The following C10orf95 variants were observed in gnomAD, a reference collection of about 807,000 sequenced individuals.
C10orf95 encodes uncharacterized protein C10orf95.
For missense variants in C10orf95, 412 were observed against 327.4 expected (o/e 1.26, Z -1.99); for synonymous variants, 188 against 160.4 (o/e 1.17, Z -1.30).
At position 102,450,778 on chromosome 10, in the gene C10orf95, C is replaced by A. The variant is rs1160670744; in HGVS notation, c.316G>T (p.Ala106Ser). Residue 106 changes from alanine to serine, a missense_variant, in exon 2 of 2, where the codon GCC (alanine) becomes TCC (serine). By Grantham distance (99) the Ala-to-Ser change is moderately conservative. Coordinates refer to ENST00000625129, the MANE Select transcript of C10orf95 (RefSeq NM_001363580.1). ...TCCGGCCACGGCGCCCAGCTCTCGG[C>A]CACCGCCGCGGGCGCCTGCAGCGAC... The part of the protein sequence containing the change: ...GLSLQAPAAV[A>S]ESWAPWPEGG... 1.0e-5 allele frequency: 13 copies of A among 1,284,540 alleles called. No homozygotes were observed. The highest frequency in any genetic ancestry group is 3.0e-4 in the Middle Eastern group (1 of 3,310). The allele number at this position is 1,284,540 out of a possible 1,614,324, so 79.6% of individuals were successfully genotyped here.
rs930731895 is a variant in C10orf95, at chr10:102,451,232, C to G, written c.-54-85G>C. On this transcript the variant is annotated intron_variant, in intron 1 of 1. Transcript: ENST00000625129. ...GGGCCGGTTCCCCGGGACGCCGGTT[C>G]ATGGCTTTGGGGGAATTCATCCCAA... is the stretch of plus-strand genomic sequence containing the variant. The G allele has an allele frequency of 2.5e-5, 36 of 1,431,594 alleles. No individual in the cohort carries two copies. In the South Asian group the frequency reaches 5.2e-4, roughly 21 times the overall value. 88.7% of individuals were successfully genotyped at this position (1,431,594 alleles called of 1,614,324 possible).
rs779255737 is a variant in C10orf95, at chr10:102,450,692, A to AG, written c.401dup (p.Leu135SerfsTer108). 4.5e-5 allele frequency: 56 copies of AG among 1,246,902 alleles called. No individual in the cohort carries two copies. Among genetic ancestry groups the AG allele is most frequent in the Middle Eastern group, 6.3e-4 (2 of 3,190 alleles). 77.2% of individuals were successfully genotyped at this position (1,246,902 alleles called of 1,614,324 possible). A position where few individuals can be genotyped will look rare whatever the true frequency, so the allele number is the denominator to read the frequency against. ...GGCGCACGAAGTCCGGTAGCTGCAG[A>AG]GGGGGGCCCCGCGCGCGCTCCACGC... On this transcript the variant is annotated frameshift_variant, in exon 2 of 2. Transcript: ENST00000625129. LOFTEE classifies it low-confidence loss of function (END_TRUNC).
At position 102,450,682 on chromosome 10, in the gene C10orf95, G is replaced by C. The variant is rs1163808545; in HGVS notation, c.412C>G (p.Pro138Ala). ...ERARGPPLQL[P>A]DFVRRELRRA... ...CGCAGCTCCCGGCGCACGAAGTCCG[G>C]TAGCTGCAGAGGGGGGCCCCGCGCG... Residue 138 changes from proline to alanine, a missense_variant, in exon 2 of 2, where the codon CCG becomes GCG. Pro to Ala is a conservative substitution (Grantham distance 27). Coordinates refer to ENST00000625129, the MANE Select transcript of C10orf95 (RefSeq NM_001363580.1). 11 of 1,235,502 alleles carry C rather than the reference G, an allele frequency of 8.9e-6. No individual in the cohort carries two copies. The highest frequency in any genetic ancestry group is 1.1e-5 in the Non-Finnish European group (11 of 990,158). The allele number at this position is 1,235,502 out of a possible 1,614,324, so 76.5% of individuals were successfully genotyped here.
Position 102,450,762 on chromosome 10 carries a change from G to A in C10orf95, c.332C>T (p.Pro111Leu). 7.6e-6 allele frequency: 10 copies of A among 1,307,352 alleles called. No homozygotes were observed. Among genetic ancestry groups the A allele is most frequent in the Non-Finnish European group, 9.8e-6 (10 of 1,025,204 alleles). 81.0% of individuals were successfully genotyped at this position (1,307,352 alleles called of 1,614,324 possible). A position where few individuals can be genotyped will look rare whatever the true frequency, so the allele number is the denominator to read the frequency against. ...APAAVAESWA[P>L]WPEGGSLQTE... is the part of the protein sequence containing the mutation. The stretch of plus-strand genomic sequence containing the variant: ...TTGCAGGCTCCCGCCCTCCGGCCAC[G>A]GCGCCCAGCTCTCGGCCACCGCCGC... The change falls in exon 2 of 2, where the codon CCG (proline) becomes CTG (leucine). Residue 111 changes from proline to leucine, a missense_variant. By Grantham distance (98) the Pro-to-Leu change is moderately conservative. Transcript: ENST00000625129.
chr10:102,450,456 C>A lies in C10orf95; in HGVS notation c.638G>T (p.Ser213Ile). The A allele has an allele frequency of 6.6e-7, 1 of 1,518,240 alleles. No individual in the cohort carries two copies. Among genetic ancestry groups the A allele is most frequent in the Non-Finnish European group, 8.8e-7 (1 of 1,136,402 alleles). 94.0% of individuals were successfully genotyped at this position (1,518,240 alleles called of 1,614,324 possible). A position where few individuals can be genotyped will look rare whatever the true frequency, so the allele number is the denominator to read the frequency against. The change falls in exon 2 of 2, where the codon AGC becomes ATC. Residue 213 changes from serine (S) to isoleucine (I), a missense_variant. Physicochemically the swap from Ser to Ile is moderately radical, Grantham distance 142. Coordinates refer to ENST00000625129, the MANE Select transcript of C10orf95 (RefSeq NM_001363580.1). ...RGRPRKSKGL[S>I] Reference sequence around the variant, plus strand: ...CCCCTAGGCCTTGCGGCGGCTTCAGCTCAGGCCCTTGCTCTTCCTGGGGCG... The same window carrying A: ...CCCCTAGGCCTTGCGGCGGCTTCAGATCAGGCCCTTGCTCTTCCTGGGGCG...
Position 102,450,791 on chromosome 10 carries a change from C to A in C10orf95, c.303G>T (p.Ala101=), listed in dbSNP as rs1301884522. ...AAGISGLSLQ[A]PAAVAESWAP... ...CCCAGCTCTCGGCCACCGCCGCGGG[C>A]GCCTGCAGCGACAGTCCCGAGATGC... Residue 101 remains alanine (A), a synonymous_variant, in exon 2 of 2, where the codon GCG becomes GCT. Transcript: ENST00000625129. 2 of 1,269,308 alleles carry A rather than the reference C, an allele frequency of 1.6e-6. No individual in the cohort carries two copies. The highest frequency in any genetic ancestry group is 8.3e-5 in the Admixed American group (2 of 24,006). The allele number at this position is 1,269,308 out of a possible 1,614,324, so 78.6% of individuals were successfully genotyped here.
At position 102,451,452 on chromosome 10, in the gene C10orf95, G is replaced by A; in HGVS notation, c.-121C>T. 2 of 1,429,544 alleles carry A rather than the reference G, an allele frequency of 1.4e-6. No individual in the cohort carries two copies. The allele number at this position is 1,429,544 out of a possible 1,614,324, so 88.6% of individuals were successfully genotyped here. On this transcript the variant is annotated 5_prime_UTR_variant, in exon 1 of 2. Transcript: ENST00000625129. ...GGGCTCCTCTCCGCACTTTGTAGCT[G>A]CGTTGCTCCGCTCCATGCCCTGCCT... is the stretch of plus-strand genomic sequence containing the variant.
chr10:102,451,283 C>T (rs1417469572), intron 1 of C10orf95, 103 bp downstream of exon 1: 1 of 1,440,502 alleles, frequency 6.9e-7, no homozygotes, highest in Non-Finnish European at 9.2e-7. Context: ...CCCCGCCTAG[C>T]CTCTTGTCCC....
In C10orf95 at chr10:102,450,642, G is replaced by C; in HGVS notation, c.452C>G (p.Thr151Ser). 1 of 1,232,506 alleles carries C rather than the reference G, an allele frequency of 8.1e-7. No homozygotes were observed. The highest frequency in any genetic ancestry group is 3.4e-5 in the East Asian group (1 of 29,452). The allele number at this position is 1,232,506 out of a possible 1,614,324, so 76.3% of individuals were successfully genotyped here. ...GACGCGCACGTCGGCGCGGGGGTAG[G>C]TGCCGTACGCGCGCCGCAGCTCCCG... is the stretch of plus-strand genomic sequence containing the variant. ...VRRELRRAYG[T>S]YPRADVRVTQ... is the part of the protein sequence containing the mutation. Residue 151 changes from threonine to serine, a missense_variant, in exon 2 of 2, where the codon ACC (threonine) becomes AGC (serine). By Grantham distance (58) the Thr-to-Ser change is moderately conservative. Transcript: ENST00000625129.
Position 102,451,535 on chromosome 10 carries a change from C to T in C10orf95, c.-204G>A. The T allele has an allele frequency of 1.5e-6, 2 of 1,306,980 alleles. No homozygotes were observed. The highest frequency in any genetic ancestry group is 1.2e-5 in the South Asian group (1 of 83,520). The allele number at this position is 1,306,980 out of a possible 1,614,324, so 81.0% of individuals were successfully genotyped here. ...AACACCTTGAGCTGGCCAGGAGCTA[C>T]CAGCGTCTGTCTACACCTGGGTGAG... On this transcript the variant is annotated 5_prime_UTR_variant, in exon 1 of 2. Transcript: ENST00000625129.
At chr10:102,451,278 C>G in intron 1 of C10orf95, 108 bp downstream of exon 1, 14 of 1,436,136 alleles carry the variant, frequency 9.7e-6, no homozygotes, top group Non-Finnish European at 1.2e-5. Context: ...CAGCTCCCCG[C>G]CTAGCCTCTT....
chr10:102,450,540 A>G lies in C10orf95; in HGVS notation c.554T>C (p.Val185Ala). ...LEPDHRVEWR[V>A]RRRPDSGDSS... is the part of the protein sequence containing the mutation. ...GTCGCCGCTGTCGGGCCGGCGCCGC[A>G]CGCGCCACTCCACGCGGTGGTCGGG... The change falls in exon 2 of 2, where the codon GTG (valine) becomes GCG (alanine). Residue 185 changes from valine to alanine, a missense_variant. Val to Ala is a moderately conservative substitution (Grantham distance 64). Transcript: ENST00000625129. 2.2e-6 allele frequency: 3 copies of G among 1,366,656 alleles called. No individual in the cohort carries two copies. The highest frequency in any genetic ancestry group is 2.8e-6 in the Non-Finnish European group (3 of 1,067,242). The allele number at this position is 1,366,656 out of a possible 1,614,324, so 84.7% of individuals were successfully genotyped here. A position where few individuals can be genotyped will look rare whatever the true frequency, so the allele number is the denominator to read the frequency against.
rs1243528386 is a variant in C10orf95, at chr10:102,450,653, G to C, written c.441C>G (p.Arg147=). The C allele has an allele frequency of 2.7e-5, 33 of 1,227,868 alleles. No individual in the cohort carries two copies. The highest frequency in any genetic ancestry group is 5.1e-6 in the Non-Finnish European group (5 of 986,032). 76.1% of individuals were successfully genotyped at this position (1,227,868 alleles called of 1,614,324 possible). A position where few individuals can be genotyped will look rare whatever the true frequency, so the allele number is the denominator to read the frequency against. ...CGGCGCGGGGGTAGGTGCCGTACGC[G>C]CGCCGCAGCTCCCGGCGCACGAAGT... The part of the protein sequence containing the change: ...LPDFVRRELR[R]AYGTYPRADV... The change falls in exon 2 of 2, where the codon CGC becomes CGG. Residue 147 remains arginine (R), a synonymous_variant. Coordinates refer to ENST00000625129, the MANE Select transcript of C10orf95 (RefSeq NM_001363580.1).
Position 102,451,413 on chromosome 10 carries a change from C to T in C10orf95, c.-82G>A, listed in dbSNP as rs780822712. 5 of 1,500,388 alleles carry T rather than the reference C, an allele frequency of 3.3e-6. No individual in the cohort carries two copies. The highest frequency in any genetic ancestry group is 3.6e-6 in the Non-Finnish European group (4 of 1,109,986). The allele number at this position is 1,500,388 out of a possible 1,614,324, so 92.9% of individuals were successfully genotyped here. On this transcript the variant is annotated 5_prime_UTR_variant, in exon 1 of 2. Coordinates refer to ENST00000625129, the MANE Select transcript of C10orf95 (RefSeq NM_001363580.1). ...GTCTCCTTCAGCCTTGGGGAGCCGGCGGGATCCAGAGCGGGGCTCCTCTCC... is the reference window on the plus strand; with the variant it reads ...GTCTCCTTCAGCCTTGGGGAGCCGGTGGGATCCAGAGCGGGGCTCCTCTCC...
rs1405270749 is a variant in C10orf95, at chr10:102,450,342, G to C, written c.*110C>G. The C allele has an allele frequency of 8.4e-7, 1 of 1,192,364 alleles. No individual in the cohort carries two copies. Among genetic ancestry groups the C allele is most frequent in the Non-Finnish European group, 1.2e-6 (1 of 838,378 alleles). 73.9% of individuals were successfully genotyped at this position (1,192,364 alleles called of 1,614,324 possible). ...AGCCAAAAAGACAGGTGAGCAGCGCGTCCGCCTCCCGCGCACAGGTGAGGG... is the reference window on the plus strand; with the variant it reads ...AGCCAAAAAGACAGGTGAGCAGCGCCTCCGCCTCCCGCGCACAGGTGAGGG... On this transcript the variant is annotated 3_prime_UTR_variant, in exon 2 of 2. Coordinates refer to ENST00000625129, the MANE Select transcript of C10orf95 (RefSeq NM_001363580.1).
rs200900514 is a variant in C10orf95, at chr10:102,450,997, G to C, written c.97C>G (p.Pro33Ala). The part of the protein sequence containing the change: ...CTYLAAPLLL[P>A]PVQAHSFRSR... ...CGGAAGCTGTGGGCCTGGACTGGGG[G>C]TAGCAGCAGAGGGGCGGCCAGGTAG... is the stretch of plus-strand genomic sequence containing the variant. Residue 33 changes from proline to alanine, a missense_variant, in exon 2 of 2, where the codon CCC becomes GCC. Physicochemically the swap from Pro to Ala is conservative, Grantham distance 27. Coordinates refer to ENST00000625129, the MANE Select transcript of C10orf95 (RefSeq NM_001363580.1). The C allele has an allele frequency of 4.6e-5, 61 of 1,317,472 alleles. No individual in the cohort carries two copies. In the East Asian group the frequency reaches 1.6e-3, roughly 35 times the overall value. The allele number at this position is 1,317,472 out of a possible 1,614,324, so 81.6% of individuals were successfully genotyped here.
chr10:102,450,853 AGGCCGGAGG>A lies in C10orf95; in HGVS notation c.232_240del (p.Pro78_Ala80del), dbSNP rs1306579921. The A allele has an allele frequency of 8.1e-7, 1 of 1,236,312 alleles. No individual in the cohort carries two copies. Among genetic ancestry groups the A allele is most frequent in the Non-Finnish European group, 1.0e-6 (1 of 991,332 alleles). 76.6% of individuals were successfully genotyped at this position (1,236,312 alleles called of 1,614,324 possible). A position where few individuals can be genotyped will look rare whatever the true frequency, so the allele number is the denominator to read the frequency against. On this transcript the variant is annotated inframe_deletion, in exon 2 of 2. Coordinates refer to ENST00000625129, the MANE Select transcript of C10orf95 (RefSeq NM_001363580.1). ...CAGGGCCGGCGCAGGGTCGTGGCGT[AGGCCGGAGG>A]GCAGGCCCACCAGGGCGGCGCGGCC... is the stretch of plus-strand genomic sequence containing the variant.
rs761160887 is a variant in C10orf95, at chr10:102,450,445, G to C, written c.*7C>G. ...ACGCGGGCCCGCCCCTAGGCCTTGC[G>C]GCGGCTTCAGCTCAGGCCCTTGCTC... On this transcript the variant is annotated 3_prime_UTR_variant, in exon 2 of 2. Coordinates refer to ENST00000625129, the MANE Select transcript of C10orf95 (RefSeq NM_001363580.1). The C allele has an allele frequency of 1.3e-6, 2 of 1,525,350 alleles. No individual in the cohort carries two copies. Among genetic ancestry groups the C allele is most frequent in the South Asian group, 2.4e-5 (2 of 83,654 alleles). 94.5% of individuals were successfully genotyped at this position (1,525,350 alleles called of 1,614,324 possible).
Position 102,450,141 on chromosome 10 carries a change from G to A in C10orf95, c.*311C>T, listed in dbSNP as rs1037398819. On this transcript the variant is annotated 3_prime_UTR_variant, in exon 2 of 2. Coordinates refer to ENST00000625129, the MANE Select transcript of C10orf95 (RefSeq NM_001363580.1). ...AGGAGAAGGTGGGGAGGAGGAAGGAGGGAGGTCCAGGCCCTTCTTCCATCC... is the reference window on the plus strand; with the variant it reads ...AGGAGAAGGTGGGGAGGAGGAAGGAAGGAGGTCCAGGCCCTTCTTCCATCC... The A allele has an allele frequency of 4.4e-6, 2 of 456,740 alleles. No homozygotes were observed. Among genetic ancestry groups the A allele is most frequent in the Non-Finnish European group, 8.4e-6 (2 of 239,468 alleles). The allele number at this position is 456,740 out of a possible 1,614,324, so 28.3% of individuals were successfully genotyped here.
Sources: allele counts gnomAD v4.1 joint callset, GRCh38; gene constraint gnomAD v4.1.1; transcripts MANE v1.5; gene names NCBI Gene and HGNC (gene_info 2026-07-23, HGNC 2026-07-21).